Variants in RO60 observed in about 807,000 individuals in gnomAD.
RO60 encodes Ro60, Y RNA binding protein, also known as RNA-binding protein RO60.
Under a neutral mutation model 55.3 loss-of-function variants are expected in RO60, and 20 were observed. The observed-to-expected ratio is 0.36, with a 90% CI of 0.25 to 0.53. The LOEUF is 0.53. RO60 is among the 20% of genes least tolerant of loss of function. The pLI is 0.92. For missense variants in RO60, 558 were observed against 646.6 expected (o/e 0.86, Z 1.49); for synonymous variants, 213 against 213.6 (o/e 1.00, Z 0.02).
chr1:193,079,683 G>A (rs1336981972), intron 5 of RO60, among the ~76,000 whole-genome samples: 3 of 152,226 alleles, frequency 2.0e-5, no homozygotes, highest in Middle Eastern at 3.4e-3. Flanking sequence ...TCTACACAAT[G>A]GGAGAAAATA....
chr1:193,085,535 T>C lies in RO60; in HGVS notation c.*804T>C. 1 of 985,028 alleles carries C rather than the reference T, an allele frequency of 1.0e-6. No individual in the cohort carries two copies. 61.0% of individuals were successfully genotyped at this position (985,028 alleles called of 1,614,324 possible). On this transcript the variant is annotated 3_prime_UTR_variant, in exon 9 of 9. Coordinates refer to ENST00000400968, the MANE Select transcript of RO60 (RefSeq NM_001173524.2). Reference sequence around the variant, plus strand: ...TGAATTATAATAACATAGCCAGATGTAGTCTCACACTGTTTTTCATACTCT... The same window carrying C: ...TGAATTATAATAACATAGCCAGATGCAGTCTCACACTGTTTTTCATACTCT...
At chr1:193,067,137 G>A (rs1466441735) in intron 1 of RO60, among the ~76,000 whole-genome samples, 1 of 150,492 alleles carries the variant, frequency 6.6e-6, no homozygotes, top group Non-Finnish European at 1.5e-5. Context: ...CCCCACAAAT[G>A]AGTGTGATTT....
downstream of RO60, chr1:193,091,510 GT>G (rs1190385460): frequency 1.3e-5 from 9 of 709,620 alleles, no homozygotes; most frequent in Non-Finnish European, 2.1e-5. Context: ...AGTCTTCCAA[GT>G]TTTCACTGTA....
Position 193,082,305 on chromosome 1 carries a change from A to C in RO60, c.1317+6A>C. 6.3e-7 allele frequency: 1 copy of C among 1,576,186 alleles called. No homozygotes were observed. Among genetic ancestry groups the C allele is most frequent in the South Asian group, 1.2e-5 (1 of 86,016 alleles). ...TTTTAATGGCTATGAGTCAGGTAAG[A>C]AACTGTGTTTTTTAAGTTTACTTAG... On this transcript the variant is annotated splice_donor_region_variant and intron_variant, in intron 7 of 8. Transcript: ENST00000400968.
At position 193,085,024 on chromosome 1, in the gene RO60, G is replaced by A. The variant is rs10921309; in HGVS notation, c.*293G>A. On this transcript the variant is annotated 3_prime_UTR_variant, in exon 9 of 9. Coordinates refer to ENST00000400968, the MANE Select transcript of RO60 (RefSeq NM_001173524.2). ...ATAGTTTTGCTTTGTTGAATAATACGTGTGTACCTAAAAGAGGTAAGAGCA... is the reference window on the plus strand; with the variant it reads ...ATAGTTTTGCTTTGTTGAATAATACATGTGTACCTAAAAGAGGTAAGAGCA... 644,374 of 1,538,410 alleles carry A rather than the reference G, an allele frequency of 0.42. 141,235 individuals carry two copies. Among genetic ancestry groups the A allele is most frequent in the South Asian group, 0.46 (38,349 of 82,988 alleles).
chr1:193,071,510 G>T (rs1193647770), intron 2 of RO60, among the ~76,000 whole-genome samples: 1 of 151,872 alleles, frequency 6.6e-6, no homozygotes, highest in Non-Finnish European at 1.5e-5. Flanking sequence ...GTTGTTTCTG[G>T]TTTTTTTATA....
At chr1:193,074,315 G>A (rs557399534) in intron 2 of RO60, among the ~76,000 whole-genome samples, 1 of 152,322 alleles carries the variant, frequency 6.6e-6, no homozygotes, top group East Asian at 1.9e-4. Flanking sequence ...TCGCCACACT[G>A]ACTTCCACAA....
At chr1:193,067,944 T>C (rs1006537131) in intron 1 of RO60, among the ~76,000 whole-genome samples, 49 of 152,170 alleles carry the variant, frequency 3.2e-4, no homozygotes, top group African/African-American at 1.1e-3. Flanking sequence ...TCTGTTCTGC[T>C]CTCTTTATAT....
At chr1:193,083,933 C>T (rs767122749) in intron 8 of RO60, among the ~76,000 whole-genome samples, 58 of 152,120 alleles carry the variant, frequency 3.8e-4, no homozygotes, top group Non-Finnish European at 7.5e-4. Context: ...CCGAGTCTTT[C>T]TCTTACTCTG....
rs538698292 is a variant in RO60, at chr1:193,074,874, A to G, written c.581-946A>G. ...GGGCTTTTATGGTTTTAGGTGTAACATGTAAGTCTTTAATCCATCTTGAAT... is the reference window on the plus strand; with the variant it reads ...GGGCTTTTATGGTTTTAGGTGTAACGTGTAAGTCTTTAATCCATCTTGAAT... On this transcript the variant is annotated intron_variant, in intron 2 of 8. Transcript: ENST00000400968. 3.9e-5 allele frequency among the ~76,000 whole-genome samples: 6 copies of G among 152,276 alleles called. 1 individual carries two copies. In the South Asian group the frequency reaches 1.0e-3, roughly 26 times the overall value.
chr1:193,065,025 A>G (rs556940423), intron 1 of RO60, among the ~76,000 whole-genome samples: 2 of 152,274 alleles, frequency 1.3e-5, no homozygotes, highest in African/African-American at 2.4e-5. Context: ...CACTACCTGC[A>G]TATAGTACAT....
In RO60 at chr1:193,077,065, T is replaced by C; in HGVS notation, c.1086+15T>C. 1 of 1,595,856 alleles carries C rather than the reference T, an allele frequency of 6.3e-7. No homozygotes were observed. Among genetic ancestry groups the C allele is most frequent in the Non-Finnish European group, 8.6e-7 (1 of 1,168,480 alleles). On this transcript the variant is annotated intron_variant, in intron 5 of 8. Transcript: ENST00000400968. ...AAACATTTAAGGTAGTGATATGATTTTTGTTTTAAAACAAATGACTGAAGA... is the reference window on the plus strand; with the variant it reads ...AAACATTTAAGGTAGTGATATGATTCTTGTTTTAAAACAAATGACTGAAGA...
chr1:193,071,007 T>G (rs952988964), intron 2 of RO60, among the ~76,000 whole-genome samples: 10 of 152,214 alleles, frequency 6.6e-5, no homozygotes, highest in Non-Finnish European at 1.3e-4. Context: ...GGACTGGTTT[T>G]GTGGAAGACA....
rs776784758 is a variant in RO60, at chr1:193,069,514, G to C, written c.460G>C (p.Asp154His). The C allele has an allele frequency of 6.2e-7, 1 of 1,614,164 alleles. No homozygotes were observed. The highest frequency in any genetic ancestry group is 2.2e-5 in the East Asian group (1 of 44,882). ...TCGTGCCCTCCGGAAGGCTATAGCGGACTGGTACAATGAGAAAGGTGGCAT... is the reference window on the plus strand; with the variant it reads ...TCGTGCCCTCCGGAAGGCTATAGCGCACTGGTACAATGAGAAAGGTGGCAT... Reference protein sequence around the residue: ...WGRALRKAIADWYNEKGGMAL... With the variant: ...WGRALRKAIAHWYNEKGGMAL... The change falls in exon 2 of 9, where the codon GAC (aspartate) becomes CAC (histidine). Residue 154 changes from aspartate (D) to histidine (H), a missense_variant. Transcript: ENST00000400968.
intron 1 of RO60, among the ~76,000 whole-genome samples, chr1:193,067,390 AT>A (rs1408599789): frequency 1.3e-5 from 2 of 151,722 alleles, no homozygotes; most frequent in African/African-American, 4.8e-5. Flanking sequence ...GGGTTTCACC[AT>A]TTTAGTCAGA....
intron 1 of RO60, among the ~76,000 whole-genome samples, chr1:193,068,369 A>G (rs898290246): frequency 1.3e-5 from 2 of 152,246 alleles, no homozygotes; most frequent in African/African-American, 4.8e-5. Context: ...ATTTTGATGT[A>G]CATTGAGTTT....
rs1265274096 is a variant in RO60, at chr1:193,068,470, A to G, written c.-21-564A>G. Among the ~76,000 whole-genome samples, 3 of 152,350 alleles carry G rather than the reference A, an allele frequency of 2.0e-5. No homozygotes were observed. In the East Asian group the frequency reaches 5.8e-4, roughly 29 times the overall value. On this transcript the variant is annotated intron_variant, in intron 1 of 8. Transcript: ENST00000400968. ...TGAAGGATATGAGGCCAAGAAGAGG[A>G]GAAGAGAGAAGGGGGAAGAATGAAT...
chr1:193,079,344 C>T (rs1407959694), intron 5 of RO60, among the ~76,000 whole-genome samples: 2 of 152,176 alleles, frequency 1.3e-5, no homozygotes, highest in Non-Finnish European at 2.9e-5. Flanking sequence ...CCACCTTGGC[C>T]TCCCAAAGTG....
chr1:193,076,981 G>C lies in RO60; in HGVS notation c.1017G>C (p.Gly339=). ...ETYKTGHGLR[G]KLKWRPDEEI... is the part of the protein sequence containing the mutation. ...ACAAGACAGGTCATGGTCTCAGAGG[G>C]AAACTGAAGTGGCGCCCTGATGAAG... is the stretch of plus-strand genomic sequence containing the variant. Residue 339 remains glycine, a synonymous_variant, in exon 5 of 9, where the codon GGG becomes GGC. Transcript: ENST00000400968. The C allele has an allele frequency of 6.2e-7, 1 of 1,613,178 alleles. No individual in the cohort carries two copies. Among genetic ancestry groups the C allele is most frequent in the Non-Finnish European group, 8.5e-7 (1 of 1,179,456 alleles).
Sources: gnomAD v4.1 joint callset for allele counts (sites outside exome capture counted in the v4.1 genomes callset) on GRCh38, gnomAD v4.1.1 for gene constraint, MANE v1.5 for transcripts, NCBI Gene and HGNC (gene_info 2026-07-23, HGNC 2026-07-21) for gene names.